The following FAM76B variants were observed in gnomAD, a reference collection of about 807,000 sequenced individuals.
The protein encoded by FAM76B is protein FAM76B.
Under a neutral mutation model 51.8 loss-of-function variants are expected in FAM76B, and 16 were observed. The ratio of observed to expected loss-of-function variants is 0.31; its 90% CI spans 0.21 to 0.47. FAM76B has a LOEUF of 0.47. FAM76B is among the 20% of genes least tolerant of loss of function. The pLI is 1.00. For missense variants in FAM76B, 342 were observed against 392.6 expected (o/e 0.87, Z 1.09); for synonymous variants, 166 against 129.5 (o/e 1.28, Z -1.91).
intron 7 of FAM76B, chr11:95,779,261 CATA>C (rs1860146710): frequency 9.5e-6 from 7 of 736,326 alleles, no homozygotes; most frequent in Middle Eastern, 2.6e-4. Flanking sequence ...AAGTAACGCT[CATA>C]ATATTTTTAA....
At chr11:95,788,694 T>G (rs1028603632) in intron 1 of FAM76B, 131 bp from the exon 2 acceptor site, 23 of 1,213,082 alleles carry the variant, frequency 1.9e-5, no homozygotes, top group Non-Finnish European at 2.5e-5. Context: ...CGTAAAGAAC[T>G]GGATGCTTTA....
Position 95,779,610 on chromosome 11 carries a change from T to A in FAM76B, c.689A>T (p.Asp230Val). The A allele has an allele frequency of 1.2e-6, 2 of 1,604,874 alleles. No homozygotes were observed. The highest frequency in any genetic ancestry group is 1.1e-5 in the South Asian group (1 of 89,322). The change falls in exon 7 of 10, where the codon GAT becomes GTT. Residue 230 changes from aspartate to valine, a missense_variant. By Grantham distance (152) the Asp-to-Val change is radical. Transcript: ENST00000358780. ...PKLESKPSNGDSSSINQSADS... is the reference protein window; with the variant it reads ...PKLESKPSNGVSSSINQSADS... ...CACTAAAAGAATTCATTTTTACCTATCTCCATTAGATGGCTTAGATTCCAA... is the reference window on the plus strand; with the variant it reads ...CACTAAAAGAATTCATTTTTACCTAACTCCATTAGATGGCTTAGATTCCAA...
intron 1 of FAM76B, chr11:95,788,848 T>C (rs758607266): frequency 7.1e-7 from 1 of 1,409,184 alleles, no homozygotes; most frequent in South Asian, 1.2e-5. Flanking sequence ...AAACTACTTA[T>C]TATTTTGCAC....
rs1263541098 is a variant in FAM76B, at chr11:95,783,260, T to C, written c.368A>G (p.Asp123Gly). 12 of 1,611,000 alleles carry C rather than the reference T, an allele frequency of 7.4e-6. No individual in the cohort carries two copies. The highest frequency in any genetic ancestry group is 1.0e-5 in the Non-Finnish European group (12 of 1,179,154). ...ACAGAGCCAGCATAATAACTTTCCA[T>C]CAACCTTTTAAGAAAATGTGTTAAA... ...DRKEEGRRKV[D>G]GKLLCWLCTL... is the part of the protein sequence containing the mutation. The change falls in exon 5 of 10, where the codon GAT (aspartate) becomes GGT (glycine). Residue 123 changes from aspartate (D) to glycine (G), a missense_variant. Transcript: ENST00000358780.
rs112030086 is a variant in FAM76B, at chr11:95,778,234, C to A, written c.828+588G>T. 2.9e-3 allele frequency among the ~76,000 whole-genome samples: 446 copies of A among 151,620 alleles called. 4 individuals carry two copies. Among genetic ancestry groups the A allele is most frequent in the African/African-American group, 9.8e-3 (405 of 41,496 alleles). The stretch of plus-strand genomic sequence containing the variant: ...CAAGACCTTAAATCCTTCTGTAATT[C>A]TGTTAATATTCCTCTTTTCACTAAA... On this transcript the variant is annotated intron_variant, in intron 8 of 9. Coordinates refer to ENST00000358780, the MANE Select transcript of FAM76B (RefSeq NM_144664.5).
At position 95,786,108 on chromosome 11, in the gene FAM76B, A is replaced by C. The variant is rs1304924332; in HGVS notation, c.363+11T>G. ...ATTTCCAGAAGATGTCATAACATAA[A>C]TAAAGCATACCTTTCTTCTTCCTTC... On this transcript the variant is annotated intron_variant, in intron 4 of 9. Coordinates refer to ENST00000358780, the MANE Select transcript of FAM76B (RefSeq NM_144664.5). 2 of 1,594,394 alleles carry C rather than the reference A, an allele frequency of 1.3e-6. No homozygotes were observed. Among genetic ancestry groups the C allele is most frequent in the Admixed American group, 3.5e-5 (2 of 57,620 alleles).
Position 95,789,547 on chromosome 11 carries a change from C to A in FAM76B, c.-69G>T. On this transcript the variant is annotated 5_prime_UTR_variant, in exon 1 of 10. Coordinates refer to ENST00000358780, the MANE Select transcript of FAM76B (RefSeq NM_144664.5). ...GGGGCCCTACGGAGAACCCGAGAGC[C>A]GCCGCCGCCCGGGCCGCGGGCTCCT... 4 of 1,419,288 alleles carry A rather than the reference C, an allele frequency of 2.8e-6. No homozygotes were observed. Among genetic ancestry groups the A allele is most frequent in the Non-Finnish European group, 2.9e-6 (3 of 1,048,762 alleles). The allele number at this position is 1,419,288 out of a possible 1,614,324, so 87.9% of individuals were successfully genotyped here. A position where few individuals can be genotyped will look rare whatever the true frequency, so the allele number is the denominator to read the frequency against.
At chr11:95,772,106 T>G (rs944646633) in intron 9 of FAM76B, among the ~76,000 whole-genome samples, 42 of 151,316 alleles carry the variant, frequency 2.8e-4, no homozygotes, top group African/African-American at 8.4e-4. Flanking sequence ...CTATGTTTAC[T>G]CTCTTGTAGA....
Position 95,776,414 on chromosome 11 carries a change from GTAAAA to G in FAM76B, c.829-396_829-392del, listed in dbSNP as rs1860009896. Among the ~76,000 whole-genome samples the G allele has an allele frequency of 2.0e-5, 3 of 151,534 alleles. No individual in the cohort carries two copies. In the South Asian group the frequency reaches 6.2e-4, roughly 31 times the overall value. On this transcript the variant is annotated intron_variant, in intron 8 of 9. Coordinates refer to ENST00000358780, the MANE Select transcript of FAM76B (RefSeq NM_144664.5). ...TATAAACATTTAAACTAGCTTATGCGTAAAATAATCTTTCAATGCTTAAAGAAAGA... is the reference window on the plus strand; with the variant it reads ...TATAAACATTTAAACTAGCTTATGCGTAATCTTTCAATGCTTAAAGAAAGA...
At chr11:95,776,635 C>A (rs1031940125) in intron 8 of FAM76B, among the ~76,000 whole-genome samples, 1 of 150,950 alleles carries the variant, frequency 6.6e-6, no homozygotes, top group Non-Finnish European at 1.5e-5. Flanking sequence ...AAAATTTGGG[C>A]TAAATTAGAC....
Position 95,779,752 on chromosome 11 carries a change from T to G in FAM76B, c.612-65A>C, listed in dbSNP as rs868725689. The G allele has an allele frequency of 1.1e-5, 17 of 1,577,710 alleles. 2 individuals are homozygous for G. In the Middle Eastern group the frequency reaches 2.9e-3, roughly 267 times the overall value. On this transcript the variant is annotated intron_variant, in intron 6 of 9. Transcript: ENST00000358780. ...GACAGAGAAACCAAATGATAAGTTA[T>G]TCATCTTCCCCTAAAATATTACTGA...
rs578057398 is a variant in FAM76B at position 95,788,929 on chromosome 11, A to G, written c.88-366T>C. The G allele has an allele frequency of 6.1e-4, 829 of 1,349,256 alleles. 9 individuals carry two copies. The South Asian group carries it at 7.0e-3, about 11-fold the overall frequency. The allele number at this position is 1,349,256 out of a possible 1,614,324, so 83.6% of individuals were successfully genotyped here. On this transcript the variant is annotated intron_variant, in intron 1 of 9. Coordinates refer to ENST00000358780, the MANE Select transcript of FAM76B (RefSeq NM_144664.5). ...TCCAAATCAGAGCATTCTGTTCCCAAACCAGTCGCTTCGCTTTCCTGGACA... is the reference window on the plus strand; with the variant it reads ...TCCAAATCAGAGCATTCTGTTCCCAGACCAGTCGCTTCGCTTTCCTGGACA...
chr11:95,773,743 G>C (rs11021313), intron 9 of FAM76B, among the ~76,000 whole-genome samples: 42,069 of 151,022 alleles, frequency 0.28, 7,023 homozygotes, highest in Non-Finnish European at 0.38. Context: ...TCAAATGTTA[G>C]GTCCCTTTTC....
At position 95,770,174 on chromosome 11, in the gene FAM76B, ATAAC is replaced by A. The variant is rs1859706300; in HGVS notation, c.*1383_*1386del. ...ATCAAACTAAAACTCTGAACTGATA[ATAAC>A]TAGGAGATAAATTCTATTTCAGGCT... On this transcript the variant is annotated 3_prime_UTR_variant, in exon 10 of 10. Coordinates refer to ENST00000358780, the MANE Select transcript of FAM76B (RefSeq NM_144664.5). 1 of 151,714 alleles carries A rather than the reference ATAAC, an allele frequency of 6.6e-6. No homozygotes were observed. Among genetic ancestry groups the A allele is most frequent in the African/African-American group, 2.4e-5 (1 of 41,392 alleles). The allele number at this position is 151,714 out of a possible 1,614,324, so 9.4% of individuals were successfully genotyped here.
rs766875196 is a variant in FAM76B, at chr11:95,786,155, T to C, written c.327A>G (p.Gln109=). 1.2e-6 allele frequency: 2 copies of C among 1,613,248 alleles called. No individual in the cohort carries two copies. The change falls in exon 4 of 10, where the codon CAA becomes CAG. Residue 109 remains glutamine, a synonymous_variant. Coordinates refer to ENST00000358780, the MANE Select transcript of FAM76B (RefSeq NM_144664.5). ...CTTCCTCCTTCCGATCAAAAGCACA[T>C]TGCTGTTTGCACTGTTCACAGGTCT... ...PPQTCEQCKQ[Q]CAFDRKEEGR...
rs1035704200 is a variant in FAM76B, at chr11:95,789,637, G to A, written c.-159C>T. ...CGCCGCGAGAGCCCAGGGCCCCGCG[G>A]ACGACGCCACCGTCTCCCTCCGCCT... On this transcript the variant is annotated 5_prime_UTR_variant, in exon 1 of 10. Transcript: ENST00000358780. 1.3e-5 allele frequency: 7 copies of A among 558,656 alleles called. No homozygotes were observed. Among genetic ancestry groups the A allele is most frequent in the Admixed American group, 3.9e-5 (1 of 25,470 alleles). 34.6% of individuals were successfully genotyped at this position (558,656 alleles called of 1,614,324 possible).
At chr11:95,784,622 C>G (rs574665321) in intron 4 of FAM76B, among the ~76,000 whole-genome samples, 1 of 149,404 alleles carries the variant, frequency 6.7e-6, no homozygotes, top group East Asian at 2.0e-4. Flanking sequence ...GACGGAGTCT[C>G]TGTCGCCCAG....
intron 2 of FAM76B, 100 bp from the exon 3 acceptor site, chr11:95,787,778 C>T (rs1278237420): frequency 7.9e-6 from 8 of 1,008,874 alleles, no homozygotes; most frequent in East Asian, 2.8e-5. Flanking sequence ...GTACTTAAAA[C>T]TTTAATAAGG....
In FAM76B at chr11:95,778,994, A is replaced by G. The variant is rs370225648; in HGVS notation, c.693-37T>C. On this transcript the variant is annotated intron_variant, in intron 7 of 9. Coordinates refer to ENST00000358780, the MANE Select transcript of FAM76B (RefSeq NM_144664.5). ...AAAGTAAAACACAGTTAAATGAAGT[A>G]GAAGGAAAATTAGCAGGTGTTCAAA... The G allele has an allele frequency of 6.2e-6, 10 of 1,603,498 alleles. No individual in the cohort carries two copies. In the African/African-American group the frequency reaches 1.1e-4, roughly 17 times the overall value.
Sources: allele counts gnomAD v4.1 joint callset (sites outside exome capture counted in the v4.1 genomes callset), GRCh38; gene constraint gnomAD v4.1.1; transcripts MANE v1.5; gene names NCBI Gene and HGNC (gene_info 2026-07-23, HGNC 2026-07-21).